The following ZNF454 variants were observed in gnomAD, a reference collection of about 807,000 sequenced individuals.
ZNF454 encodes the protein zinc finger protein 454.
Under a neutral mutation model 48.2 loss-of-function variants are expected in ZNF454, and 30 were observed. The observed-to-expected ratio is 0.62, with a 90% CI of 0.47 to 0.84. The LOEUF (loss-of-function observed/expected upper bound fraction) is 0.84, where lower values mean the gene tolerates loss of function less well. Among genes scored for constraint, ZNF454 ranks in the 40% least tolerant of loss-of-function variants. The pLI is 0.00. For missense variants in ZNF454, 510 were observed against 623.1 expected (o/e 0.82, Z 1.93); for synonymous variants, 204 against 211.4 (o/e 0.97, Z 0.30).
chr5:178,965,697 G>C lies in ZNF454; in HGVS notation c.1293G>C (p.Gln431His). 3 of 1,614,194 alleles carry C rather than the reference G, an allele frequency of 1.9e-6. No homozygotes were observed. Among genetic ancestry groups the C allele is most frequent in the Non-Finnish European group, 2.5e-6 (3 of 1,180,048 alleles). ...ACCAATCAGCACTAGCCCAACATCA[G>C]AGAATTCATACTGGGGAAAAACCTT... ...FRDQSALAQH[Q>H]RIHTGEKPYT... Residue 431 changes from glutamine (Q) to histidine (H), a missense_variant, in exon 5 of 5, where the codon CAG (glutamine) becomes CAC (histidine). By Grantham distance (24) the Gln-to-His change is conservative. This residue lies in a region of ZNF454 where 153 missense variants were observed against 195.8 expected (regional missense o/e 0.78). Transcript: ENST00000519564. This position sits in a 1 kb window ranked among gnomAD's most constrained non-coding sequence, Gnocchi z 5.2.
At chr5:178,971,889 G>A in the ZNF454 span, among the ~76,000 whole-genome samples, 1 of 151,434 alleles carries the variant, frequency 6.6e-6, no homozygotes, top group Non-Finnish European at 1.5e-5. Context: ...GCCCCAGGAA[G>A]GGCGGCTCTG....
At chr5:178,947,939 G>A (rs1175781028) in intron 4 of ZNF454, among the ~76,000 whole-genome samples, 1 of 152,018 alleles carries the variant, frequency 6.6e-6, no homozygotes, top group Non-Finnish European at 1.5e-5. Context: ...TTTTGAGACG[G>A]AGCCTCGCTG....
the ZNF454 span, chr5:178,985,685 A>G: frequency 4.7e-5 from 19 of 402,262 alleles, no homozygotes; most frequent in Admixed American, 9.4e-5. Flanking sequence ...CCTGGGCGAC[A>G]CAGCGAGACT....
chr5:178,983,113 C>T, the ZNF454 span: 39 of 1,614,100 alleles, frequency 2.4e-5, no homozygotes, highest in Middle Eastern at 1.7e-4. Flanking sequence ...TCCGACATGT[C>T]GCACTTGAGC....
chr5:178,983,306 AT>A, the ZNF454 span: 1 of 1,203,070 alleles, frequency 8.3e-7, no homozygotes, highest in South Asian at 1.2e-5. Flanking sequence ...GCGGGTCAGG[AT>A]CCCCTTGAGG....
chr5:178,951,467 TTG>T (rs1171587882), intron 4 of ZNF454, among the ~76,000 whole-genome samples: 2 of 152,206 alleles, frequency 1.3e-5, no homozygotes, highest in Non-Finnish European at 2.9e-5. Flanking sequence ...GTGCTTCTCT[TTG>T]TGGGTTTGCC....
chr5:178,970,412 G>A (rs548762018), downstream of ZNF454, among the ~76,000 whole-genome samples: 21 of 152,248 alleles, frequency 1.4e-4, no homozygotes, highest in Admixed American at 6.5e-4. Context: ...GGAAAAGAAC[G>A]CAAGGCTTGG....
the ZNF454 span, among the ~76,000 whole-genome samples, chr5:178,984,868 C>T: frequency 6.6e-6 from 1 of 152,158 alleles, no homozygotes; most frequent in Non-Finnish European, 1.5e-5. Context: ...TGAGGCCACC[C>T]TCCACCTGGC....
intron 1 of ZNF454, chr5:178,942,316 G>C (rs923939839): frequency 1.3e-5 from 2 of 154,110 alleles, no homozygotes; most frequent in African/African-American, 4.8e-5. Context: ...TGGGGCGGGA[G>C]AATCGCTTGA....
chr5:178,955,345 A>G (rs1157945600), intron 4 of ZNF454, among the ~76,000 whole-genome samples: 1 of 152,060 alleles, frequency 6.6e-6, no homozygotes, highest in African/African-American at 2.4e-5. Context: ...CTTTTTGTAG[A>G]CGCTCTTTAT....
At chr5:178,986,519 G>A in the ZNF454 span, 3 of 1,608,946 alleles carry the variant, frequency 1.9e-6, no homozygotes, top group East Asian at 2.2e-5. Flanking sequence ...GACCAGCTCA[G>A]GCGCACCACA....
intron 4 of ZNF454, among the ~76,000 whole-genome samples, chr5:178,962,396 T>G (rs1760035210): frequency 6.6e-6 from 1 of 151,782 alleles, no homozygotes; most frequent in Non-Finnish European, 1.5e-5. Context: ...AGTTCATTTT[T>G]CAACCTTTTT....
At chr5:178,985,024 GA>G in the ZNF454 span, among the ~76,000 whole-genome samples, 1 of 152,104 alleles carries the variant, frequency 6.6e-6, no homozygotes, top group Admixed American at 6.5e-5. Flanking sequence ...ACTGTCTTAG[GA>G]AAATCCCCCA....
chr5:178,965,673 C>T lies in ZNF454; in HGVS notation c.1269C>T (p.Asp423=). ...GCTTGTGTGAGAAAGCCTTTCGGGA[C>T]CAATCAGCACTAGCCCAACATCAGA... ...RCGLCEKAFR[D]QSALAQHQRI... Residue 423 remains aspartate (D), a synonymous_variant, in exon 5 of 5, where the codon GAC becomes GAT. Transcript: ENST00000519564. The surrounding 1 kb of genome is among the most constrained non-coding windows in gnomAD (Gnocchi z 5.2). The T allele has an allele frequency of 6.2e-7, 1 of 1,613,968 alleles. No homozygotes were observed. Among genetic ancestry groups the T allele is most frequent in the Non-Finnish European group, 8.5e-7 (1 of 1,180,004 alleles).
chr5:178,971,600 G>A, the ZNF454 span, among the ~76,000 whole-genome samples: 1 of 149,856 alleles, frequency 6.7e-6, no homozygotes, highest in African/African-American at 2.5e-5. Flanking sequence ...TGTAATCCCA[G>A]CACTTTGGGA....
At chr5:178,977,233 C>T in the ZNF454 span, among the ~76,000 whole-genome samples, 1 of 152,128 alleles carries the variant, frequency 6.6e-6, no homozygotes, top group African/African-American at 2.4e-5. Flanking sequence ...GAGATCCTAA[C>T]CCCCATTGTA....
intron 4 of ZNF454, chr5:178,948,000 C>A (rs184143175): frequency 2.6e-5 from 4 of 152,116 alleles, no homozygotes; most frequent in African/African-American, 4.8e-5. Context: ...CTGCAACCTC[C>A]GCCTCTTGGG....
intron 4 of ZNF454, among the ~76,000 whole-genome samples, chr5:178,951,521 C>T (rs1014547700): frequency 2.6e-5 from 4 of 152,150 alleles, no homozygotes; most frequent in African/African-American, 7.2e-5. Flanking sequence ...TTTGCCGTTG[C>T]GTGCTTTAAA....
At position 178,964,836 on chromosome 5, in the gene ZNF454, C is replaced by G; in HGVS notation, c.432C>G (p.His144Gln). The change falls in exon 5 of 5, where the codon CAC becomes CAG. Residue 144 changes from histidine (H) to glutamine (Q), a missense_variant. This residue lies in a region of ZNF454 where 354 missense variants were observed against 408.9 expected (regional missense o/e 0.87). Transcript: ENST00000519564. ...GTTTGCAGCGAGTGGTACTCACTCA[C>G]CCCAACACCCCATCACAGGAATGTG... is the stretch of plus-strand genomic sequence containing the variant. ...EISLQRVVLT[H>Q]PNTPSQECDE... The G allele has an allele frequency of 1.2e-6, 2 of 1,614,156 alleles. No homozygotes were observed. Among genetic ancestry groups the G allele is most frequent in the Non-Finnish European group, 1.7e-6 (2 of 1,180,026 alleles).
Sources: gnomAD v4.1 joint callset for allele counts (sites outside exome capture counted in the v4.1 genomes callset) on GRCh38, gnomAD v4.1.1 for gene constraint, gnomAD v4.1.1 regional missense constraint, Gnocchi (gnomAD v3.1) non-coding constraint, MANE v1.5 for transcripts, NCBI Gene and HGNC (gene_info 2026-07-23, HGNC 2026-07-21) for gene names.